The following CNTNAP2 variants were observed in gnomAD, a reference collection of about 807,000 sequenced individuals.
CNTNAP2 encodes the protein contactin associated protein 2.
Under a neutral mutation model 155.2 loss-of-function variants are expected in CNTNAP2, and 98 were observed. The observed-to-expected ratio is 0.63, with a 90% CI of 0.54 to 0.75. The LOEUF (loss-of-function observed/expected upper bound fraction) is 0.75, where lower values mean the gene tolerates loss of function less well. CNTNAP2 is among the 30% of genes least tolerant of loss of function. The pLI, the probability that CNTNAP2 is intolerant of heterozygous loss-of-function variation, is 0.00. For missense variants in CNTNAP2, 1,727 were observed against 1,688.1 expected (o/e 1.02, Z -0.40); for synonymous variants, 651 against 631.2 (o/e 1.03, Z -0.47).
chr7:146,495,876 A>C (rs140331076), intron 1 of CNTNAP2, among the ~76,000 whole-genome samples: 21 of 152,232 alleles, frequency 1.4e-4, no homozygotes, highest in African/African-American at 3.6e-4. Flanking sequence ...TAGGCCTCAA[A>C]ATTCACCTTG....
At chr7:146,573,191 G>A (rs888220173) in intron 1 of CNTNAP2, among the ~76,000 whole-genome samples, 2 of 152,082 alleles carry the variant, frequency 1.3e-5, no homozygotes, top group Non-Finnish European at 2.9e-5. Context: ...TCTCCAGGCT[G>A]GAGTGCAGTG....
intron 11 of CNTNAP2, among the ~76,000 whole-genome samples, chr7:147,507,775 T>C (rs1386254273): frequency 1.3e-5 from 2 of 151,932 alleles, no homozygotes; most frequent in African/African-American, 4.8e-5. Context: ...GGATGGTTGA[T>C]CTCCTGACCT....
intron 1 of CNTNAP2, among the ~76,000 whole-genome samples, chr7:146,735,876 A>G (rs763100691): frequency 5.9e-5 from 9 of 151,906 alleles, no homozygotes; most frequent in African/African-American, 2.2e-4. Flanking sequence ...AATTTAGTCT[A>G]TATTTTCAAA....
intron 1 of CNTNAP2, among the ~76,000 whole-genome samples, chr7:146,399,249 A>G (rs1795679644): frequency 6.6e-6 from 1 of 152,174 alleles, no homozygotes; most frequent in African/African-American, 2.4e-5. Flanking sequence ...TTACCATGAT[A>G]TACAATCAAT....
intron 1 of CNTNAP2, among the ~76,000 whole-genome samples, chr7:146,293,442 T>C (rs1362751325): frequency 6.6e-6 from 1 of 152,202 alleles, no homozygotes; most frequent in Non-Finnish European, 1.5e-5. Flanking sequence ...TTGTTTCAAC[T>C]CCAGAGCTGG....
At chr7:147,051,566 G>A (rs1012402871) in intron 4 of CNTNAP2, among the ~76,000 whole-genome samples, 6 of 152,184 alleles carry the variant, frequency 3.9e-5, no homozygotes, top group Non-Finnish European at 7.4e-5. Context: ...ACAGAAATTA[G>A]GGGTAAAGGA....
At chr7:146,132,883 G>C (rs1384393975) in intron 1 of CNTNAP2, among the ~76,000 whole-genome samples, 1 of 149,190 alleles carries the variant, frequency 6.7e-6, no homozygotes, top group African/African-American at 2.5e-5. Context: ...ACATGTGCAT[G>C]TGTCTTTATA....
At chr7:146,637,735 A>T (rs1799623287) in intron 1 of CNTNAP2, among the ~76,000 whole-genome samples, 1 of 152,192 alleles carries the variant, frequency 6.6e-6, no homozygotes. Flanking sequence ...GTAGGAATTG[A>T]TTCCTAAACC....
chr7:146,194,849 G>A (rs964780866), intron 1 of CNTNAP2, among the ~76,000 whole-genome samples: 3 of 152,160 alleles, frequency 2.0e-5, no homozygotes, highest in Non-Finnish European at 2.9e-5. Flanking sequence ...GTAGCAAAAT[G>A]TAGTAAGAAA....
At chr7:147,964,479 T>C (rs1801170172) in intron 14 of CNTNAP2, among the ~76,000 whole-genome samples, 1 of 152,172 alleles carries the variant, frequency 6.6e-6, no homozygotes, top group African/African-American at 2.4e-5. Context: ...ACCTGGAGAC[T>C]GCCCTGCAAA....
At chr7:146,906,898 C>T (rs1796143237) in intron 3 of CNTNAP2, among the ~76,000 whole-genome samples, 1 of 145,882 alleles carries the variant, frequency 6.9e-6, no homozygotes, top group Non-Finnish European at 1.5e-5. Flanking sequence ...AAGTTGAAAA[C>T]TTTGAAAAAA....
In CNTNAP2 at chr7:146,895,390, T is replaced by G. The variant is rs184683657; in HGVS notation, c.402+55486T>G. Among the ~76,000 whole-genome samples the G allele has an allele frequency of 6.0e-3, 888 of 149,236 alleles. 7 individuals are homozygous for G. The highest frequency in any genetic ancestry group is 8.5e-3 in the Non-Finnish European group (571 of 67,174). ...TCCTATTTCCTTGCATTGCAAAGCC[T>G]TCCAAATAAAACTAAATTTAATCAT... On this transcript the variant is annotated intron_variant, in intron 3 of 23. Coordinates refer to ENST00000361727, the MANE Select transcript of CNTNAP2 (RefSeq NM_014141.6).
chr7:147,533,804 A>G (rs138901642), intron 11 of CNTNAP2, among the ~76,000 whole-genome samples: 7 of 152,310 alleles, frequency 4.6e-5, no homozygotes, highest in African/African-American at 1.7e-4. Context: ...TATACTCACA[A>G]TCATATACTG....
intron 13 of CNTNAP2, among the ~76,000 whole-genome samples, chr7:147,741,852 T>C (rs994946613): frequency 1.3e-5 from 2 of 152,200 alleles, no homozygotes. Context: ...ATGTTATTAT[T>C]ATCTTGATGG....
chr7:147,140,648 A>G (rs1209240845), intron 8 of CNTNAP2, among the ~76,000 whole-genome samples: 1 of 151,998 alleles, frequency 6.6e-6, no homozygotes, highest in East Asian at 1.9e-4. Context: ...TGGATTGGGG[A>G]AAACTACAAG....
At chr7:147,585,950 T>C (rs1800611458) in intron 12 of CNTNAP2, among the ~76,000 whole-genome samples, 1 of 152,294 alleles carries the variant, frequency 6.6e-6, no homozygotes, top group South Asian at 2.1e-4. Flanking sequence ...CCTGAGAATA[T>C]GTGCCCAACT....
intron 21 of CNTNAP2, among the ~76,000 whole-genome samples, chr7:148,282,600 AG>A (rs1796993343): frequency 6.6e-6 from 1 of 152,204 alleles, no homozygotes; most frequent in African/African-American, 2.4e-5. Context: ...ATACAAATAA[AG>A]AATGGCTGAC....
chr7:146,699,247 A>G (rs1164675494), intron 1 of CNTNAP2, among the ~76,000 whole-genome samples: 1 of 152,218 alleles, frequency 6.6e-6, no homozygotes, highest in Non-Finnish European at 1.5e-5. Context: ...TAGTCTGCCC[A>G]GGATTTAAGC....
intron 8 of CNTNAP2, among the ~76,000 whole-genome samples, chr7:147,199,598 T>G (rs984529039): frequency 6.9e-6 from 1 of 144,532 alleles, no homozygotes; most frequent in East Asian, 2.0e-4. Context: ...ATAGAATGGG[T>G]TTTTTTTTTT....
Sources: allele counts gnomAD v4.1 joint callset (sites outside exome capture counted in the v4.1 genomes callset), GRCh38; gene constraint gnomAD v4.1.1; transcripts MANE v1.5; gene names NCBI Gene and HGNC (gene_info 2026-07-23, HGNC 2026-07-21).